POC1A: variants seen among roughly 807,000 people sequenced by gnomAD.
POC1A encodes POC1 centriolar protein A, also known as POC1 centriolar protein homolog A.
In POC1A, 34 loss-of-function variants were observed where a neutral mutation model predicts 47.8. The observed-to-expected ratio is 0.71, with a 90% CI of 0.54 to 0.95. The LOEUF (loss-of-function observed/expected upper bound fraction) is 0.95. POC1A is among the 40% of genes least tolerant of loss of function. The pLI, the probability that POC1A is intolerant of heterozygous loss-of-function variation, is 0.00. For missense variants in POC1A, 466 were observed against 528.3 expected (o/e 0.88, Z 1.16); for synonymous variants, 177 against 207.6 (o/e 0.85, Z 1.27).
chr3:52,098,676 C>A (rs1393602507), intron 9 of POC1A, among the ~76,000 whole-genome samples: 1 of 152,152 alleles, frequency 6.6e-6, no homozygotes, highest in Non-Finnish European at 1.5e-5. Context: ...CTAAAGGTAA[C>A]CAGCCTCAAA....
intron 2 of POC1A, 143 bp downstream of exon 2, chr3:52,150,872 TG>T: frequency 1.4e-6 from 1 of 693,448 alleles, no homozygotes; most frequent in Non-Finnish European, 2.5e-6. Context: ...CCCAAAGAGC[TG>T]GCAAGCAGAA....
At chr3:52,096,841 A>C (rs931421047) in intron 9 of POC1A, 129 bp from the exon 10 acceptor site, 2 of 789,622 alleles carry the variant, frequency 2.5e-6, no homozygotes, top group African/African-American at 1.8e-5. Context: ...TCCAAGTGTC[A>C]GTAAGAAACA....
intron 7 of POC1A, among the ~76,000 whole-genome samples, chr3:52,134,955 C>T (rs1704388446): frequency 6.6e-6 from 1 of 152,176 alleles, no homozygotes; most frequent in Non-Finnish European, 1.5e-5. Flanking sequence ...AGGCCCTTGG[C>T]CACCAGGACC....
chr3:52,132,694 C>G (rs964019835), intron 7 of POC1A, among the ~76,000 whole-genome samples: 1 of 152,148 alleles, frequency 6.6e-6, no homozygotes, highest in African/African-American at 2.4e-5. Context: ...AACTTGTAAC[C>G]AACATCCACC....
At chr3:52,151,532 A>G (rs1698555797) in intron 1 of POC1A, among the ~76,000 whole-genome samples, 1 of 151,118 alleles carries the variant, frequency 6.6e-6, no homozygotes, top group Non-Finnish European at 1.5e-5. Flanking sequence ...AATGGTGTGA[A>G]CCCAGGAGGC....
intron 10 of POC1A, among the ~76,000 whole-genome samples, chr3:52,078,551 AC>A (rs1438451016): frequency 1.6e-5 from 2 of 126,560 alleles, no homozygotes; most frequent in South Asian, 2.4e-4. Flanking sequence ...CGTTCTGTCG[AC>A]CCGGCTGAAG....
rs569875468 is a variant in POC1A, at chr3:52,119,808, A to G, written c.981+2571T>C. Among the ~76,000 whole-genome samples, 25 of 152,316 alleles carry G rather than the reference A, an allele frequency of 1.6e-4. No individual in the cohort carries two copies. In the South Asian group the frequency reaches 3.1e-3, roughly 19 times the overall value. ...CTAAATATCCCACAATGCACAAAAC[A>G]GCCCCCCACAGCAAAGAATGATCTG... On this transcript the variant is annotated intron_variant, in intron 9 of 10. Coordinates refer to ENST00000296484, the MANE Select transcript of POC1A (RefSeq NM_015426.5).
At chr3:52,110,089 C>A (rs7641984) in intron 9 of POC1A, among the ~76,000 whole-genome samples, 1 of 152,138 alleles carries the variant, frequency 6.6e-6, no homozygotes, top group Non-Finnish European at 1.5e-5. Context: ...AAAGACAGCC[C>A]GCCTCTAGCC....
At chr3:52,115,435 C>T (rs1184689256) in intron 9 of POC1A, among the ~76,000 whole-genome samples, 1 of 152,216 alleles carries the variant, frequency 6.6e-6, no homozygotes, top group African/African-American at 2.4e-5. Flanking sequence ...CACACTTCTC[C>T]CCTCTACAGA....
intron 9 of POC1A, among the ~76,000 whole-genome samples, chr3:52,116,977 C>G (rs1436443376): frequency 6.6e-6 from 1 of 152,248 alleles, no homozygotes; most frequent in East Asian, 1.9e-4. Context: ...CACCTGAGCT[C>G]TCGAGTTCGA....
rs138427899 is a variant in POC1A at position 52,136,675 on chromosome 3, G to A, written c.813+1494C>T. On this transcript the variant is annotated intron_variant, in intron 7 of 10. Transcript: ENST00000296484. ...AAACCATCAGCTGTCCCTTGGCCTGGTTCCCATATCTCTAGATTTAATAGC... is the reference window on the plus strand; with the variant it reads ...AAACCATCAGCTGTCCCTTGGCCTGATTCCCATATCTCTAGATTTAATAGC... Among the ~76,000 whole-genome samples, 5 of 152,292 alleles carry A rather than the reference G, an allele frequency of 3.3e-5. No individual in the cohort carries two copies. The South Asian group carries it at 8.3e-4, about 25-fold the overall frequency.
intron 9 of POC1A, among the ~76,000 whole-genome samples, chr3:52,107,224 G>A (rs1011101782): frequency 1.3e-5 from 2 of 152,252 alleles, no homozygotes; most frequent in African/African-American, 4.8e-5. Context: ...GAGCCCTCCA[G>A]GTCATCACAC....
intron 6 of POC1A, among the ~76,000 whole-genome samples, chr3:52,140,072 G>T (rs893136152): frequency 6.6e-6 from 1 of 152,172 alleles, no homozygotes; most frequent in African/African-American, 2.4e-5. Flanking sequence ...GCACTGAAAG[G>T]CTGTAAGAAC....
At chr3:52,100,980 T>C (rs533602063) in intron 9 of POC1A, among the ~76,000 whole-genome samples, 88 of 150,470 alleles carry the variant, frequency 5.8e-4, no homozygotes, top group African/African-American at 1.8e-3. Flanking sequence ...CTCCTTTGAA[T>C]GAGGAAGGAG....
intron 9 of POC1A, among the ~76,000 whole-genome samples, chr3:52,121,142 AAGGAATAAACAGGGT>A (rs1703765297): frequency 2.0e-5 from 3 of 152,324 alleles, no homozygotes; most frequent in Non-Finnish European, 4.4e-5. Flanking sequence ...CTGATGAGAT[AAGGAATAAACAGGGT>A]AGCGAGCATA....
At position 52,122,292 on chromosome 3, in the gene POC1A, C is replaced by T. The variant is rs1703807957; in HGVS notation, c.981+87G>A. The T allele has an allele frequency of 1.6e-5, 12 of 756,872 alleles. No homozygotes were observed. In the South Asian group the frequency reaches 1.8e-4, roughly 11 times the overall value. 46.9% of individuals were successfully genotyped at this position (756,872 alleles called of 1,614,324 possible). A position where few individuals can be genotyped will look rare whatever the true frequency, so the allele number is the denominator to read the frequency against. ...TCCCGAGACAGGCCTAAACCTCCTC[C>T]CTCACCGTCTCCAAGCCCAGAGCTG... On this transcript the variant is annotated intron_variant, in intron 9 of 10. Coordinates refer to ENST00000296484, the MANE Select transcript of POC1A (RefSeq NM_015426.5).
At chr3:52,143,698 T>C (rs1698272906) in intron 6 of POC1A, among the ~76,000 whole-genome samples, 1 of 152,088 alleles carries the variant, frequency 6.6e-6, no homozygotes, top group Non-Finnish European at 1.5e-5. Flanking sequence ...AGCCCCTACT[T>C]TGATACCAGG....
chr3:52,150,114 G>T, intron 2 of POC1A, 127 bp from the exon 3 acceptor site: 1 of 721,164 alleles, frequency 1.4e-6, no homozygotes, highest in Non-Finnish European at 2.3e-6. Context: ...AACAGACCGT[G>T]AGAAGTCTCC....
chr3:52,143,333 G>A (rs901119064), intron 6 of POC1A, among the ~76,000 whole-genome samples: 1 of 151,878 alleles, frequency 6.6e-6, no homozygotes, highest in African/African-American at 2.4e-5. Flanking sequence ...CCTGCCCTCT[G>A]CCAAGCCTGC....
Sources: gnomAD v4.1 joint callset for allele counts (sites outside exome capture counted in the v4.1 genomes callset) on GRCh38, gnomAD v4.1.1 for gene constraint, MANE v1.5 for transcripts, NCBI Gene and HGNC (gene_info 2026-07-23, HGNC 2026-07-21) for gene names.